Variants in FLII observed in about 807,000 individuals in gnomAD.
FLII encodes protein flightless-1 homolog.
In FLII, 101 loss-of-function variants were observed where a neutral mutation model predicts 156.2. That is an observed-to-expected ratio of 0.65 (90% CI 0.55 to 0.76). FLII has a LOEUF of 0.76. Ranked by LOEUF, FLII falls within the 30% of genes least tolerant of loss-of-function variation. FLII has a pLI of 0.00. For missense variants in FLII, 1,675 were observed against 1,682.8 expected, an observed-to-expected ratio of 1.00 and a Z score of 0.08; for synonymous variants, 767 against 685.8, an observed-to-expected ratio of 1.12 and a Z score of -1.85.
At position 18,245,362 on chromosome 17, in the gene FLII, C is replaced by G; in HGVS notation, c.3667G>C (p.Ala1223Pro). ...CCCTCCACCCAGATTACCTGGCAGGCCTTCAGGCTCAGCTTGATCTCCACC... is the reference window on the plus strand; with the variant it reads ...CCCTCCACCCAGATTACCTGGCAGGGCTTCAGGCTCAGCTTGATCTCCACC... Reference protein sequence around the residue: ...SQVEIKLSLKACQVYIQHMRS... With the variant: ...SQVEIKLSLKPCQVYIQHMRS... Residue 1223 changes from alanine (A) to proline (P), a missense_variant, in exon 29 of 30, where the codon GCC (alanine) becomes CCC (proline). Physicochemically the swap from Ala to Pro is conservative, Grantham distance 27. Transcript: ENST00000327031. 6.2e-7 allele frequency: 1 copy of G among 1,614,202 alleles called. No individual in the cohort carries two copies. Among genetic ancestry groups the G allele is most frequent in the Non-Finnish European group, 8.5e-7 (1 of 1,180,026 alleles).
chr17:18,245,059 T>G lies in FLII; in HGVS notation c.*79A>C. 7 of 1,503,948 alleles carry G rather than the reference T, an allele frequency of 4.7e-6. No individual in the cohort carries two copies. Among genetic ancestry groups the G allele is most frequent in the Non-Finnish European group, 5.4e-6 (6 of 1,105,964 alleles). 93.2% of individuals were successfully genotyped at this position (1,503,948 alleles called of 1,614,324 possible). ...CGTGGCTGGAGCAGGTGGTGTCACC[T>G]GAGTACATTCTTTGCTAGCAGACAG... On this transcript the variant is annotated 3_prime_UTR_variant, in exon 30 of 30. Coordinates refer to ENST00000327031, the MANE Select transcript of FLII (RefSeq NM_002018.4).
chr17:18,247,859 G>T lies in FLII; in HGVS notation c.2296-11C>A. ...CAGCAGACTCTGCAGCTGCGGACCG[G>T]GAGTCTGGAGGTCAAAGCCCAGCCA... On this transcript the variant is annotated splice_polypyrimidine_tract_variant and intron_variant, in intron 19 of 29. Transcript: ENST00000327031. 2 of 1,613,972 alleles carry T rather than the reference G, an allele frequency of 1.2e-6. No individual in the cohort carries two copies.
intron 22 of FLII, 25 bp from the exon 23 acceptor site, chr17:18,246,853 A>C: frequency 1.2e-6 from 2 of 1,613,868 alleles, no homozygotes; most frequent in Non-Finnish European, 1.7e-6. Context: ...GGTTGTGAGC[A>C]GGGGCTCGAG....
Position 18,247,065 on chromosome 17 carries a change from G to C in FLII, c.2677-13C>G, listed in dbSNP as rs1319100664. On this transcript the variant is annotated splice_polypyrimidine_tract_variant and intron_variant, in intron 21 of 29. Coordinates refer to ENST00000327031, the MANE Select transcript of FLII (RefSeq NM_002018.4). Reference sequence around the variant, plus strand: ...TCAGCTGCTCCGCCTGCAGGTGAGAGGGACCCGCCCCGCGGCAGGTCTGAG... The same window carrying C: ...TCAGCTGCTCCGCCTGCAGGTGAGACGGACCCGCCCCGCGGCAGGTCTGAG... The C allele has an allele frequency of 2.5e-5, 40 of 1,611,576 alleles. 1 individual carries two copies. Among genetic ancestry groups the C allele is most frequent in the Non-Finnish European group, 3.3e-5 (39 of 1,179,952 alleles).
At position 18,258,566 on chromosome 17, in the gene FLII, A is replaced by C; in HGVS notation, c.63+62T>G. On this transcript the variant is annotated intron_variant, in intron 1 of 29. Coordinates refer to ENST00000327031, the MANE Select transcript of FLII (RefSeq NM_002018.4). The surrounding 1 kb of genome is among the most constrained non-coding windows in gnomAD (Gnocchi z 4.2). ...CCGAGCGGGACAGGAAGCGGAGGCC[A>C]AGCGGGCCGGGCGGAAGAGAAGGCC... is the stretch of plus-strand genomic sequence containing the variant. 2 of 1,523,986 alleles carry C rather than the reference A, an allele frequency of 1.3e-6. No individual in the cohort carries two copies. Among genetic ancestry groups the C allele is most frequent in the South Asian group, 2.4e-5 (2 of 82,660 alleles). The allele number at this position is 1,523,986 out of a possible 1,614,324, so 94.4% of individuals were successfully genotyped here.
chr17:18,253,810 T>G lies in FLII; in HGVS notation c.680-91A>C, dbSNP rs1335870919. On this transcript the variant is annotated intron_variant, in intron 7 of 29. Coordinates refer to ENST00000327031, the MANE Select transcript of FLII (RefSeq NM_002018.4). ...GTGTGAACCCCAGCTCTGCCACCTC[T>G]GAGCTGTGTGGCTTAGGCAAGTGAC... 2.7e-5 allele frequency: 34 copies of G among 1,279,804 alleles called. 1 individual carries two copies. The Admixed American group carries it at 7.9e-4, about 30-fold the overall frequency. 79.3% of individuals were successfully genotyped at this position (1,279,804 alleles called of 1,614,324 possible).
At position 18,247,327 on chromosome 17, in the gene FLII, C is replaced by G; in HGVS notation, c.2518G>C (p.Asp840His). The G allele has an allele frequency of 6.2e-7, 1 of 1,606,986 alleles. No homozygotes were observed. The highest frequency in any genetic ancestry group is 8.5e-7 in the Non-Finnish European group (1 of 1,177,640). Residue 840 changes from aspartate to histidine, a missense_variant, in exon 21 of 30, where the codon GAT (aspartate) becomes CAT (histidine). Asp to His is a moderately conservative substitution (Grantham distance 81, BLOSUM62 -1). Coordinates refer to ENST00000327031, the MANE Select transcript of FLII (RefSeq NM_002018.4). ...VFKAKFKNWD[D>H]VLTVDYTRNA... ...CGTGTGTAGTCCACCGTCAACACATCGTCCCAATTCTTGAACTTGGCCTTG... is the reference window on the plus strand; with the variant it reads ...CGTGTGTAGTCCACCGTCAACACATGGTCCCAATTCTTGAACTTGGCCTTG...
At chr17:18,249,070 A>G (rs536514821) in intron 16 of FLII, 57 bp downstream of exon 16, 1 of 1,519,674 alleles carries the variant, frequency 6.6e-7, no homozygotes, top group Non-Finnish European at 9.1e-7. Flanking sequence ...ACCTGCCCCC[A>G]CTGGTGGGGA....
Position 18,251,462 on chromosome 17 carries a change from G to C in FLII, c.1399C>G (p.Arg467Gly), listed in dbSNP as rs767337540. 1 of 1,606,558 alleles carries C rather than the reference G, an allele frequency of 6.2e-7. No individual in the cohort carries two copies. Among genetic ancestry groups the C allele is most frequent in the Admixed American group, 1.7e-5 (1 of 59,852 alleles). ...NKKQEESADA[R>G]APSGKVRRWD... Reference sequence around the variant, plus strand: ...CGCCGCACCTTCCCGCTGGGGGCCCGGGCATCTGCGCTCTCCTGGGGGCAG... The same window carrying C: ...CGCCGCACCTTCCCGCTGGGGGCCCCGGCATCTGCGCTCTCCTGGGGGCAG... Residue 467 changes from arginine (R) to glycine (G), a missense_variant, in exon 13 of 30, where the codon CGG becomes GGG. By Grantham distance (125) the Arg-to-Gly change is moderately radical. Around this residue, in one of 2 missense-constraint regions of FLII, gnomAD observed 1,332 missense variants for 1,269.3 expected, o/e 1.05. Transcript: ENST00000327031.
rs975632399 is a variant in FLII, at chr17:18,248,856, T to C, written c.1962A>G (p.Leu654=). ...PRFVFLLDRG[L]DIYVWRGAQA... is the part of the protein sequence containing the mutation. ...GGGCCCCCCGCCATACGTAGATGTCTAGCCCTCGGTCCAGCAGGAAAACAA... is the reference window on the plus strand; with the variant it reads ...GGGCCCCCCGCCATACGTAGATGTCCAGCCCTCGGTCCAGCAGGAAAACAA... Residue 654 remains leucine (L), a synonymous_variant, in exon 17 of 30, where the codon CTA becomes CTG. Transcript: ENST00000327031. The C allele has an allele frequency of 1.2e-6, 2 of 1,613,800 alleles. No homozygotes were observed. Among genetic ancestry groups the C allele is most frequent in the African/African-American group, 1.3e-5 (1 of 74,902 alleles).
chr17:18,256,600 G>A lies in FLII; in HGVS notation c.175-3C>T. ...TTGTGGCTCACAGACAAGTGTTCCT[G>A]GGCCGGAATGGGGAGCACAGGCTCA... is the stretch of plus-strand genomic sequence containing the variant. On this transcript the variant is annotated splice_polypyrimidine_tract_variant and splice_region_variant and intron_variant, in intron 2 of 29. Transcript: ENST00000327031. The A allele has an allele frequency of 2.6e-6, 4 of 1,551,502 alleles. No homozygotes were observed. Among genetic ancestry groups the A allele is most frequent in the Non-Finnish European group, 2.6e-6 (3 of 1,146,938 alleles).
chr17:18,252,636 A>AG, intron 9 of FLII, 80 bp from the exon 10 acceptor site: 2 of 1,118,964 alleles, frequency 1.8e-6, no homozygotes, highest in Non-Finnish European at 2.7e-6. Flanking sequence ...AGTCCTGGGG[A>AG]GGGGAGGCAG....
Position 18,246,210 on chromosome 17 carries a change from G to A in FLII, c.3219C>T (p.Ile1073=). 1 of 1,614,146 alleles carries A rather than the reference G, an allele frequency of 6.2e-7. No individual in the cohort carries two copies. The highest frequency in any genetic ancestry group is 2.2e-5 in the East Asian group (1 of 44,860). ...AGTTGAGGAGGCTGGAGTCGGTGTT[G>A]ATCTGGATGCACCTGTGGAAGGGAT... is the stretch of plus-strand genomic sequence containing the variant. ...GSALCTRCIQ[I]NTDSSLLNSE... is the part of the protein sequence containing the mutation. The change falls in exon 25 of 30, where the codon ATC becomes ATT. Residue 1073 remains isoleucine (I), a synonymous_variant. Coordinates refer to ENST00000327031, the MANE Select transcript of FLII (RefSeq NM_002018.4).
chr17:18,250,056 G>A (rs1035733874), intron 14 of FLII, among the ~76,000 whole-genome samples: 1 of 152,198 alleles, frequency 6.6e-6, no homozygotes, highest in Admixed American at 6.5e-5. Flanking sequence ...TGGGGGCGGA[G>A]GTTGCAGTGA....
chr17:18,257,148 A>G (rs1417726847), intron 1 of FLII, 129 bp from the exon 2 acceptor site: 3 of 584,118 alleles, frequency 5.1e-6, no homozygotes, highest in Non-Finnish European at 9.2e-6. Flanking sequence ...CAGACAAGTC[A>G]TTTCATCATT....
intron 1 of FLII, 46 bp from the exon 2 acceptor site, chr17:18,257,065 C>T (rs1597926349): frequency 1.6e-6 from 2 of 1,287,186 alleles, no homozygotes; most frequent in South Asian, 1.3e-5. Context: ...CTGCTCACCA[C>T]CTTCTATGGC....
intron 24 of FLII, 29 bp downstream of exon 24, chr17:18,246,279 C>A (rs753279393): frequency 3.1e-6 from 5 of 1,614,050 alleles, no homozygotes; most frequent in Non-Finnish European, 4.2e-6. Context: ...GACGCTTGCT[C>A]GCCACTGCGT....
rs780867449 is a variant in FLII, at chr17:18,247,216, G to C, written c.2629C>G (p.Leu877Val). The change falls in exon 21 of 30, where the codon CTC becomes GTC. Residue 877 changes from leucine (L) to valine (V), a missense_variant. Around this residue, in one of 2 missense-constraint regions of FLII, gnomAD observed 1,332 missense variants for 1,269.3 expected, o/e 1.05. Coordinates refer to ENST00000327031, the MANE Select transcript of FLII (RefSeq NM_002018.4). The stretch of plus-strand genomic sequence containing the variant: ...TGCCGCGGCAGGAAAAGCGCAGTGA[G>C]GTCAGCCTTCATCTGGTCTTTCTTC... ...AEKKDQMKAD[L>V]TALFLPRQPP... 1.3e-6 allele frequency: 2 copies of C among 1,598,876 alleles called. No individual in the cohort carries two copies. The highest frequency in any genetic ancestry group is 1.3e-5 in the African/African-American group (1 of 74,298).
chr17:18,249,113 T>C lies in FLII; in HGVS notation c.1934+14A>G. On this transcript the variant is annotated intron_variant, in intron 16 of 29. Coordinates refer to ENST00000327031, the MANE Select transcript of FLII (RefSeq NM_002018.4). ...GAGGATGAAGCACCCCCACCTCACATTGTTGGGGCTCACCTTGGGTCCAGA... is the reference window on the plus strand; with the variant it reads ...GAGGATGAAGCACCCCCACCTCACACTGTTGGGGCTCACCTTGGGTCCAGA... 6.2e-7 allele frequency: 1 copy of C among 1,609,692 alleles called. No homozygotes were observed. Among genetic ancestry groups the C allele is most frequent in the East Asian group, 2.2e-5 (1 of 44,842 alleles).
Sources: gnomAD v4.1 joint callset for allele counts (sites outside exome capture counted in the v4.1 genomes callset) on GRCh38, gnomAD v4.1.1 for gene constraint, gnomAD v4.1.1 regional missense constraint, Gnocchi (gnomAD v3.1) non-coding constraint, MANE v1.5 for transcripts, NCBI Gene and HGNC (gene_info 2026-07-23, HGNC 2026-07-21) for gene names.